The following MAML2 variants were observed in gnomAD, a reference collection of about 807,000 sequenced individuals.
The protein encoded by MAML2 is mastermind-like protein 2.
Under a neutral mutation model 96.1 loss-of-function variants are expected in MAML2, and 22 were observed. The ratio of observed to expected loss-of-function variants is 0.23; its 90% CI spans 0.16 to 0.33. The LOEUF (loss-of-function observed/expected upper bound fraction) is 0.33. Among genes scored for constraint, MAML2 ranks in the 10% least tolerant of loss-of-function variants. The pLI, the probability that MAML2 is intolerant of heterozygous loss-of-function variation, is 1.00. For missense variants in MAML2, 1,367 were observed against 1,392.4 expected (o/e 0.98, Z 0.29); for synonymous variants, 561 against 521.3 (o/e 1.08, Z -1.04).
At chr11:96,080,866 T>C (rs1297654995) in intron 2 of MAML2, among the ~76,000 whole-genome samples, 1 of 152,322 alleles carries the variant, frequency 6.6e-6, no homozygotes, top group Non-Finnish European at 1.5e-5. Flanking sequence ...AAGCTGGCCC[T>C]GAAACCTGAA....
chr11:96,128,397 C>CG (rs1329669087), intron 1 of MAML2, among the ~76,000 whole-genome samples: 4 of 151,296 alleles, frequency 2.6e-5, no homozygotes, highest in East Asian at 3.9e-4. Flanking sequence ...GGCTCAGTCT[C>CG]GGGAAAAAAA....
At chr11:96,180,806 C>T (rs930011152) in intron 1 of MAML2, among the ~76,000 whole-genome samples, 1 of 152,106 alleles carries the variant, frequency 6.6e-6, no homozygotes, top group East Asian at 1.9e-4. Flanking sequence ...GTTTATTTCA[C>T]CTGGGTACAG....
At chr11:96,150,661 C>A (rs1270785439) in intron 1 of MAML2, among the ~76,000 whole-genome samples, 3 of 152,056 alleles carry the variant, frequency 2.0e-5, no homozygotes, top group Admixed American at 1.3e-4. Context: ...AATGAGCGAC[C>A]CATTCCCCCT....
chr11:96,319,832 C>A (rs1863678566), intron 1 of MAML2, among the ~76,000 whole-genome samples: 1 of 152,160 alleles, frequency 6.6e-6, no homozygotes, highest in South Asian at 2.1e-4. Flanking sequence ...AATATCATAA[C>A]CCATAAAACT....
chr11:96,282,093 C>CA (rs1863076014), intron 1 of MAML2, among the ~76,000 whole-genome samples: 1 of 151,480 alleles, frequency 6.6e-6, no homozygotes, highest in Non-Finnish European at 1.5e-5. Flanking sequence ...ACTAAAAATA[C>CA]AAAAAATTAG....
At chr11:96,028,367 C>T (rs907661001) in intron 2 of MAML2, among the ~76,000 whole-genome samples, 3 of 152,194 alleles carry the variant, frequency 2.0e-5, no homozygotes, top group African/African-American at 7.2e-5. Context: ...CCCATTCATT[C>T]TTCAAGGTTT....
intron 2 of MAML2, among the ~76,000 whole-genome samples, chr11:96,081,768 CAATCCTGAAA>C (rs1420313069): frequency 1.3e-5 from 2 of 152,188 alleles, no homozygotes; most frequent in Non-Finnish European, 2.9e-5. Context: ...AAATTTTCAA[CAATCCTGAAA>C]AACAGGTATT....
intron 2 of MAML2, among the ~76,000 whole-genome samples, chr11:96,068,990 T>G (rs1465972607): frequency 2.1e-5 from 3 of 143,752 alleles, no homozygotes. Flanking sequence ...GGTGTGATCA[T>G]AGCTCACTGC....
chr11:95,999,833 G>C (rs540618850), intron 2 of MAML2, among the ~76,000 whole-genome samples: 1 of 152,146 alleles, frequency 6.6e-6, no homozygotes, highest in Non-Finnish European at 1.5e-5. Context: ...AGCTGGGCAA[G>C]TCTGTACAGT....
intron 1 of MAML2, among the ~76,000 whole-genome samples, chr11:96,123,391 G>A (rs557553411): frequency 2.0e-5 from 3 of 151,720 alleles, no homozygotes; most frequent in East Asian, 3.9e-4. Context: ...GGAGTCCTCC[G>A]CAACTCATCC....
chr11:96,148,486 C>A (rs571777185), intron 1 of MAML2, among the ~76,000 whole-genome samples: 126 of 151,394 alleles, frequency 8.3e-4, no homozygotes, highest in African/African-American at 2.9e-3. Context: ...TAGGTGTGGT[C>A]ATTCTTTCTG....
At chr11:96,195,557 A>C (rs1378003705) in intron 1 of MAML2, among the ~76,000 whole-genome samples, 1 of 152,242 alleles carries the variant, frequency 6.6e-6, no homozygotes, top group Non-Finnish European at 1.5e-5. Flanking sequence ...TGTTTCACCA[A>C]GAAAATATTG....
At chr11:96,013,857 G>A (rs986099132) in intron 2 of MAML2, among the ~76,000 whole-genome samples, 1 of 152,170 alleles carries the variant, frequency 6.6e-6, no homozygotes, top group Non-Finnish European at 1.5e-5. Flanking sequence ...TCAAGCCCAC[G>A]TGTGATCTGA....
rs1350939382 is a variant in MAML2 at position 96,274,072 on chromosome 11, T to C, written c.513+67311A>G. Among the ~76,000 whole-genome samples, 3 of 146,828 alleles carry C rather than the reference T, an allele frequency of 2.0e-5. No individual in the cohort carries two copies. The East Asian group carries it at 6.1e-4, about 30-fold the overall frequency. On this transcript the variant is annotated intron_variant, in intron 1 of 4. Coordinates refer to ENST00000524717, the MANE Select transcript of MAML2 (RefSeq NM_032427.4). ...TTTTCTTGTTTCTTTTTCTTTTTCC[T>C]TTTCCTTTTTTTTTTTTTTTTTTTT...
intron 1 of MAML2, among the ~76,000 whole-genome samples, chr11:96,243,738 C>G (rs1186953991): frequency 6.6e-6 from 1 of 150,470 alleles, no homozygotes; most frequent in Admixed American, 6.6e-5. Context: ...ACTGCAAGCT[C>G]CGCCTCCCAG....
intron 1 of MAML2, among the ~76,000 whole-genome samples, chr11:96,325,574 A>C (rs995007505): frequency 6.6e-6 from 1 of 152,212 alleles, no homozygotes; most frequent in Admixed American, 6.5e-5. Flanking sequence ...TGACCATTAC[A>C]AATGCGAGTT....
At chr11:96,121,204 T>C (rs1591025294) in intron 1 of MAML2, among the ~76,000 whole-genome samples, 1 of 152,180 alleles carries the variant, frequency 6.6e-6, no homozygotes, top group African/African-American at 2.4e-5. Context: ...AACCCCATCT[T>C]TGGCCCTGGG....
intron 1 of MAML2, among the ~76,000 whole-genome samples, chr11:96,321,571 G>A (rs945004394): frequency 5.9e-5 from 9 of 152,296 alleles, no homozygotes; most frequent in East Asian, 1.9e-4. Flanking sequence ...GATGCTTGGC[G>A]TTTGGGATAT....
Position 96,342,970 on chromosome 11 carries a change from C to T in MAML2, c.-1075G>A. 2.6e-6 allele frequency: 1 copy of T among 386,230 alleles called. No individual in the cohort carries two copies. Among genetic ancestry groups the T allele is most frequent in the East Asian group, 3.6e-5 (1 of 27,480 alleles). The allele number at this position is 386,230 out of a possible 1,614,324, so 23.9% of individuals were successfully genotyped here. On this transcript the variant is annotated 5_prime_UTR_variant, in exon 1 of 5. The change abolishes an upstream ATG in the 5' untranslated region. Coordinates refer to ENST00000524717, the MANE Select transcript of MAML2 (RefSeq NM_032427.4). ...CTTTTCTGTCCACTTTTGTACATTC[C>T]ATCCCCGGCCAGTGGATCTGAGGGT...
Sources: allele counts gnomAD v4.1 joint callset (sites outside exome capture counted in the v4.1 genomes callset), GRCh38; gene constraint gnomAD v4.1.1; transcripts MANE v1.5; gene names NCBI Gene and HGNC (gene_info 2026-07-23, HGNC 2026-07-21).